Variants in MGAT4C observed in about 807,000 individuals in gnomAD.
MGAT4C encodes the protein MGAT4 family member C, also known as alpha-1,3-mannosyl-glycoprotein 4-beta-N-acetylglucosaminyltransferase C.
MGAT4C carries 19 observed loss-of-function variants against 40.1 expected under a neutral mutation model. The ratio of observed to expected loss-of-function variants is 0.47; its 90% CI spans 0.33 to 0.70. The LOEUF (loss-of-function observed/expected upper bound fraction) is 0.70. MGAT4C is among the 30% of genes least tolerant of loss of function. MGAT4C has a pLI of 0.02. For synonymous variants in MGAT4C, 181 were observed against 187.1 expected (o/e 0.97, Z 0.27); for missense variants, 491 against 563.2 (o/e 0.87, Z 1.30).
chr12:86,372,551 G>T (rs1592756308), intron 3 of MGAT4C, among the ~76,000 whole-genome samples: 1 of 151,818 alleles, frequency 6.6e-6, no homozygotes, highest in Admixed American at 6.6e-5. Flanking sequence ...ATAATAAAAA[G>T]TATTTCTGCT....
chr12:86,379,192 T>C (rs527282333), intron 3 of MGAT4C, among the ~76,000 whole-genome samples: 1 of 152,216 alleles, frequency 6.6e-6, no homozygotes, highest in South Asian at 2.1e-4. Flanking sequence ...CATGAATAAA[T>C]ACATGTAAAA....
At chr12:86,088,663 T>C (rs1312491193) in intron 1 of MGAT4C, among the ~76,000 whole-genome samples, 3 of 151,662 alleles carry the variant, frequency 2.0e-5, no homozygotes, top group Non-Finnish European at 2.9e-5. Context: ...GAAATGAAAA[T>C]CAAAACGGCA....
intron 3 of MGAT4C, among the ~76,000 whole-genome samples, chr12:86,396,316 C>T (rs1274814881): frequency 6.6e-6 from 1 of 151,958 alleles, no homozygotes; most frequent in Non-Finnish European, 1.5e-5. Flanking sequence ...ATTCTCATTG[C>T]CCAATGTGAG....
At chr12:86,836,148 C>T (rs1381081083) in intron 1 of MGAT4C, among the ~76,000 whole-genome samples, 1 of 151,964 alleles carries the variant, frequency 6.6e-6, no homozygotes, top group Non-Finnish European at 1.5e-5. Flanking sequence ...TGTCTTATCA[C>T]CAATCCTATT....
intron 1 of MGAT4C, among the ~76,000 whole-genome samples, chr12:86,148,941 C>T (rs1883911400): frequency 6.6e-6 from 1 of 151,962 alleles, no homozygotes; most frequent in Non-Finnish European, 1.5e-5. Context: ...CTGCTGTGCC[C>T]CCCTATTCAT....
chr12:86,636,509 A>G (rs1963223736), intron 2 of MGAT4C, among the ~76,000 whole-genome samples: 1 of 152,004 alleles, frequency 6.6e-6, no homozygotes, highest in Admixed American at 6.6e-5. Context: ...AGGCAGGGCC[A>G]TCATGATGGG....
intron 2 of MGAT4C, among the ~76,000 whole-genome samples, chr12:86,511,410 T>C (rs1254807769): frequency 6.6e-6 from 1 of 152,204 alleles, no homozygotes; most frequent in Non-Finnish European, 1.5e-5. Flanking sequence ...TATTCCTAAG[T>C]ATTTTATTAT....
intron 1 of MGAT4C, among the ~76,000 whole-genome samples, chr12:86,131,408 T>C (rs1440172183): frequency 6.6e-6 from 1 of 152,110 alleles, no homozygotes; most frequent in African/African-American, 2.4e-5. Flanking sequence ...ATACTCATAT[T>C]TGGACATTCT....
At chr12:86,249,555 A>G (rs1236086908) in intron 1 of MGAT4C, among the ~76,000 whole-genome samples, 1 of 152,156 alleles carries the variant, frequency 6.6e-6, no homozygotes, top group Non-Finnish European at 1.5e-5. Context: ...TTAAAATTTG[A>G]ATAACCTAAT....
At chr12:86,060,186 T>A (rs1893801305) in intron 1 of MGAT4C, among the ~76,000 whole-genome samples, 1 of 152,200 alleles carries the variant, frequency 6.6e-6, no homozygotes, top group South Asian at 2.1e-4. Context: ...CACACAAAGG[T>A]AGGCCCCTAG....
At chr12:86,186,405 A>G (rs757849021) in intron 1 of MGAT4C, among the ~76,000 whole-genome samples, 2 of 152,170 alleles carry the variant, frequency 1.3e-5, no homozygotes, top group African/African-American at 2.4e-5. Flanking sequence ...CGTGGCTTTC[A>G]GAGAATTGTT....
intron 3 of MGAT4C, among the ~76,000 whole-genome samples, chr12:86,430,071 A>G (rs1467880482): frequency 6.6e-6 from 1 of 152,080 alleles, no homozygotes; most frequent in Non-Finnish European, 1.5e-5. Context: ...CATTACAGTC[A>G]TTGTATTCTT....
intron 4 of MGAT4C, among the ~76,000 whole-genome samples, chr12:86,284,955 GGTT>G (rs1270926546): frequency 6.6e-6 from 1 of 151,800 alleles, no homozygotes. Context: ...ACTAAACTTT[GGTT>G]GTCTAAACAT....
chr12:86,402,258 C>G (rs1199011653), intron 3 of MGAT4C, among the ~76,000 whole-genome samples: 1 of 151,868 alleles, frequency 6.6e-6, no homozygotes, highest in Non-Finnish European at 1.5e-5. Flanking sequence ...CACTCCGTCT[C>G]TACTAAAAAT....
chr12:86,291,892 G>T (rs553379766), intron 4 of MGAT4C, among the ~76,000 whole-genome samples: 3 of 152,152 alleles, frequency 2.0e-5, no homozygotes, highest in Non-Finnish European at 4.4e-5. Context: ...TGGCCAAAGG[G>T]TAGACTATAA....
chr12:86,320,775 C>T (rs967855400), intron 4 of MGAT4C, among the ~76,000 whole-genome samples: 5 of 152,098 alleles, frequency 3.3e-5, no homozygotes, highest in African/African-American at 9.7e-5. Flanking sequence ...TCATTAAGCC[C>T]TAGGCATGAA....
Position 85,979,993 on chromosome 12 carries a change from C to G in MGAT4C, c.733G>C (p.Glu245Gln), listed in dbSNP as rs1383706175. 1 of 1,613,568 alleles carries G rather than the reference C, an allele frequency of 6.2e-7. No individual in the cohort carries two copies. The highest frequency in any genetic ancestry group is 1.1e-5 in the South Asian group (1 of 91,076). ...TAIKKVIASLEGTYWVTLEFS... is the reference protein window; with the variant it reads ...TAIKKVIASLQGTYWVTLEFS... Reference sequence around the variant, plus strand: ...TCAAGAGTTACCCAGTAAGTTCCTTCTAGGGATGCAATGACTTTCTTGATG... The same window carrying G: ...TCAAGAGTTACCCAGTAAGTTCCTTGTAGGGATGCAATGACTTTCTTGATG... Residue 245 changes from glutamate (E) to glutamine (Q), a missense_variant, in exon 5 of 5, where the codon GAA becomes CAA. Glu to Gln is a conservative substitution (Grantham distance 29). Coordinates refer to ENST00000611864, the MANE Select transcript of MGAT4C (RefSeq NM_001351288.2).
chr12:86,677,140 TA>T lies in MGAT4C; in HGVS notation c.-229+50068del, dbSNP rs367813749. The stretch of plus-strand genomic sequence containing the variant: ...TACATGCACCTAGTTGCAACTTTTT[TA>T]ACCAATACTTAATTACCTAATTTAT... On this transcript the variant is annotated intron_variant, in intron 2 of 7. Transcript: ENST00000548651. 5.5e-4 allele frequency among the ~76,000 whole-genome samples: 83 copies of T among 152,282 alleles called. No homozygotes were observed. The South Asian group carries it at 0.016, about 30-fold the overall frequency.
chr12:86,296,655 C>A (rs1448657607), intron 4 of MGAT4C, among the ~76,000 whole-genome samples: 1 of 152,230 alleles, frequency 6.6e-6, no homozygotes, highest in Non-Finnish European at 1.5e-5. Context: ...GGTGCTAAGC[C>A]CCTCACTGCC....
Sources: gnomAD v4.1 joint callset for allele counts (sites outside exome capture counted in the v4.1 genomes callset) on GRCh38, gnomAD v4.1.1 for gene constraint, MANE v1.5 for transcripts, NCBI Gene and HGNC (gene_info 2026-07-23, HGNC 2026-07-21) for gene names.